The following PTPRD variants were observed in gnomAD, a reference collection of about 807,000 sequenced individuals.
PTPRD encodes protein tyrosine phosphatase receptor type D.
A neutral mutation model predicts 214.5 loss-of-function variants in PTPRD; 34 were observed. The ratio of observed to expected loss-of-function variants is 0.16; its 90% CI spans 0.12 to 0.21. PTPRD has a LOEUF of 0.21. PTPRD is among the 10% of genes least tolerant of loss of function. The pLI is 1.00. For missense variants in PTPRD, 2,545 were observed against 2,398.7 expected (o/e 1.06, Z -1.27); for synonymous variants, 1,128 against 845.7 (o/e 1.33, Z -5.79).
At chr9:10,330,082 CTA>C (rs1311544757) in intron 3 of PTPRD, among the ~76,000 whole-genome samples, 5 of 151,522 alleles carry the variant, frequency 3.3e-5, no homozygotes, top group African/African-American at 1.2e-4. Flanking sequence ...TTTATTTCAT[CTA>C]TGTTTCTGAG....
chr9:9,153,923 T>C (rs1231229287), intron 10 of PTPRD, among the ~76,000 whole-genome samples: 2 of 152,182 alleles, frequency 1.3e-5, no homozygotes, highest in African/African-American at 4.8e-5. Flanking sequence ...GGTGTTATTG[T>C]TCTGCAAATA....
intron 9 of PTPRD, among the ~76,000 whole-genome samples, chr9:9,347,310 G>GTA (rs981051117): frequency 3.1e-4 from 47 of 149,756 alleles, no homozygotes; most frequent in African/African-American, 1.1e-3. Context: ...CTCTCTATGT[G>GTA]TATATATATA....
rs190916721 is a variant in PTPRD, at chr9:9,179,216, C to T, written c.-143+4088G>A. On this transcript the variant is annotated intron_variant, in intron 10 of 45. Coordinates refer to ENST00000381196, the MANE Select transcript of PTPRD (RefSeq NM_002839.4). ...ACATGAAAATATTTATAAGCATTGGCACTGGTTCTTATATTAAAACATGAT... is the reference window on the plus strand; with the variant it reads ...ACATGAAAATATTTATAAGCATTGGTACTGGTTCTTATATTAAAACATGAT... Among the ~76,000 whole-genome samples, 5 of 152,142 alleles carry T rather than the reference C, an allele frequency of 3.3e-5. No individual in the cohort carries two copies. In the East Asian group the frequency reaches 9.6e-4, roughly 29 times the overall value.
chr9:10,507,557 G>T (rs958585249), intron 2 of PTPRD, among the ~76,000 whole-genome samples: 2 of 152,064 alleles, frequency 1.3e-5, no homozygotes, highest in South Asian at 2.1e-4. Flanking sequence ...TATACTACAA[G>T]ACTACAGTAA....
At chr9:9,321,865 A>G (rs1033974547) in intron 9 of PTPRD, among the ~76,000 whole-genome samples, 3 of 152,304 alleles carry the variant, frequency 2.0e-5, no homozygotes, top group African/African-American at 4.8e-5. Context: ...AATATATGCC[A>G]TCTATTTTAC....
intron 8 of PTPRD, among the ~76,000 whole-genome samples, chr9:9,476,482 A>T (rs1025202038): frequency 6.6e-6 from 1 of 152,196 alleles, no homozygotes; most frequent in East Asian, 1.9e-4. Context: ...AGGGTAGGAA[A>T]TACTTAAGTA....
intron 3 of PTPRD, among the ~76,000 whole-genome samples, chr9:10,326,564 A>G (rs2096646480): frequency 6.6e-6 from 1 of 151,466 alleles, no homozygotes; most frequent in Non-Finnish European, 1.5e-5. Context: ...TTTTACACCC[A>G]TTTTTTACTT....
At chr9:9,518,339 G>A (rs770421794) in intron 8 of PTPRD, among the ~76,000 whole-genome samples, 8 of 151,962 alleles carry the variant, frequency 5.3e-5, no homozygotes, top group African/African-American at 9.7e-5. Context: ...TTTAGGCTAC[G>A]GGAAGATTCT....
intron 7 of PTPRD, among the ~76,000 whole-genome samples, chr9:9,674,944 T>G (rs1046510621): frequency 6.6e-6 from 1 of 151,722 alleles, no homozygotes; most frequent in Non-Finnish European, 1.5e-5. Context: ...GTAGTTTAAG[T>G]ATAGAAGGTT....
At chr9:9,655,571 AG>A (rs767868683) in intron 7 of PTPRD, among the ~76,000 whole-genome samples, 19,999 of 150,948 alleles carry the variant, frequency 0.13, 1,780 homozygotes, top group African/African-American at 0.24. Flanking sequence ...TCCATCTCAA[AG>A]GGAAAACCAA....
At chr9:8,717,205 T>C (rs2098446201) in intron 12 of PTPRD, among the ~76,000 whole-genome samples, 3 of 152,264 alleles carry the variant, frequency 2.0e-5, no homozygotes, top group South Asian at 2.1e-4. Context: ...AAAACTATGA[T>C]ACCTCTAGGA....
chr9:9,781,288 G>T (rs1396928054), intron 5 of PTPRD, among the ~76,000 whole-genome samples: 3 of 152,068 alleles, frequency 2.0e-5, no homozygotes, highest in Non-Finnish European at 4.4e-5. Flanking sequence ...GGAATTCCTT[G>T]TTATAAACTC....
chr9:8,923,311 G>A (rs1048049020), intron 11 of PTPRD, among the ~76,000 whole-genome samples: 2 of 151,880 alleles, frequency 1.3e-5, no homozygotes, highest in African/African-American at 4.8e-5. Context: ...CTAAGTGCTG[G>A]GATTACAGGC....
intron 12 of PTPRD, among the ~76,000 whole-genome samples, chr9:8,727,342 A>G (rs1044380363): frequency 3.3e-5 from 5 of 152,266 alleles, no homozygotes; most frequent in African/African-American, 9.6e-5. Flanking sequence ...TTAATTCAAA[A>G]AGCCACAGAA....
At chr9:10,318,846 T>C (rs1185141026) in intron 3 of PTPRD, among the ~76,000 whole-genome samples, 11 of 152,076 alleles carry the variant, frequency 7.2e-5, no homozygotes, top group Admixed American at 5.9e-4. Context: ...TATTATGTAG[T>C]AGCAGAGAAT....
intron 4 of PTPRD, among the ~76,000 whole-genome samples, chr9:10,012,326 GA>G (rs963362235): frequency 6.0e-5 from 9 of 150,810 alleles, no homozygotes; most frequent in African/African-American, 1.7e-4. Context: ...CAGACAAGAA[GA>G]AAAAAAATTA....
chr9:10,423,001 C>T (rs2098559601), intron 2 of PTPRD, among the ~76,000 whole-genome samples: 1 of 152,086 alleles, frequency 6.6e-6, no homozygotes, highest in South Asian at 2.1e-4. Flanking sequence ...AAGACACATG[C>T]ACACATATGT....
At chr9:9,559,489 T>C (rs533014731) in intron 8 of PTPRD, among the ~76,000 whole-genome samples, 1 of 152,352 alleles carries the variant, frequency 6.6e-6, no homozygotes, top group South Asian at 2.1e-4. Context: ...TAGGCACCCC[T>C]GGTTAACTAC....
At chr9:8,690,459 G>A (rs1414186204) in intron 12 of PTPRD, among the ~76,000 whole-genome samples, 2 of 151,664 alleles carry the variant, frequency 1.3e-5, no homozygotes, top group East Asian at 1.9e-4. Flanking sequence ...CCACCAGGAG[G>A]GAGAGCTTGC....
Sources: gnomAD v4.1 joint callset for allele counts (sites outside exome capture counted in the v4.1 genomes callset) on GRCh38, gnomAD v4.1.1 for gene constraint, MANE v1.5 for transcripts, NCBI Gene and HGNC (gene_info 2026-07-23, HGNC 2026-07-21) for gene names.